DCST2: variants seen among roughly 807,000 people sequenced by gnomAD.
DCST2 encodes the protein DC-STAMP domain-containing protein 2.
Under a neutral mutation model 81.8 loss-of-function variants are expected in DCST2, and 64 were observed. The ratio of observed to expected loss-of-function variants is 0.78; its 90% confidence interval spans 0.64 to 0.96. DCST2 has a LOEUF of 0.96. Ranked by LOEUF, DCST2 falls within the 40% of genes least tolerant of loss-of-function variation. The pLI, the probability that DCST2 is intolerant of heterozygous loss-of-function variation, is 0.00. For missense variants in DCST2, 945 were observed against 1,001.4 expected (o/e 0.94, Z 0.76); for synonymous variants, 354 against 402.6 (o/e 0.88, Z 1.44).
intron 4 of DCST2, 120 bp from the exon 5 acceptor site, chr1:155,031,354 T>G: frequency 8.6e-7 from 1 of 1,166,174 alleles, no homozygotes; most frequent in South Asian, 1.6e-5. Flanking sequence ...CCACATTTGC[T>G]CAAAACCTTG....
At chr1:155,031,943 G>A (rs1660099335) in intron 3 of DCST2, among the ~76,000 whole-genome samples, 172 bp from the exon 4 acceptor site, 1 of 152,178 alleles carries the variant, frequency 6.6e-6, no homozygotes, top group African/African-American at 2.4e-5. Context: ...AAAAAACCCT[G>A]GACAGGGTAC....
At chr1:155,029,448 C>A in intron 7 of DCST2, 51 bp from the exon 8 acceptor site, 1 of 1,584,068 alleles carries the variant, frequency 6.3e-7, no homozygotes. Flanking sequence ...CTCCCGTCCA[C>A]CAGATCCCAG....
chr1:155,024,654 C>T, intron 10 of DCST2, 52 bp from the exon 11 acceptor site: 5 of 1,528,198 alleles, frequency 3.3e-6, no homozygotes, highest in Non-Finnish European at 4.4e-6. Flanking sequence ...TTTTGTCTGC[C>T]TGGAATGCCC....
At position 155,033,175 on chromosome 1, in the gene DCST2, T is replaced by G; in HGVS notation, c.358A>C (p.Ser120Arg). ...TCTGCCCCACAGGCTACAGCCTCGC[T>G]GGCCCGGGTGAAGTTGCGTAGAGTG... ...ANTLRNFTRA[S>R]EAVACGAELA... The change falls in exon 2 of 15, where the codon AGC (serine) becomes CGC (arginine). Residue 120 changes from serine to arginine, a missense_variant. Coordinates refer to ENST00000368424, the MANE Select transcript of DCST2 (RefSeq NM_144622.3). 1 of 1,613,074 alleles carries G rather than the reference T, an allele frequency of 6.2e-7. No homozygotes were observed. The highest frequency in any genetic ancestry group is 1.3e-5 in the African/African-American group (1 of 75,006).
At chr1:155,027,910 T>TTTTA (rs1659958667) in intron 8 of DCST2, among the ~76,000 whole-genome samples, 1 of 149,294 alleles carries the variant, frequency 6.7e-6, no homozygotes, top group Non-Finnish European at 1.5e-5. Context: ...ACATAATTTA[T>TTTTA]TTTATTTTAT....
intron 2 of DCST2, 91 bp from the exon 3 acceptor site, chr1:155,032,859 C>A (rs976086772): frequency 3.1e-5 from 39 of 1,255,432 alleles, no homozygotes; most frequent in Non-Finnish European, 3.9e-5. Context: ...AGAGAGGAGG[C>A]CACCATTTCC....
At chr1:155,027,371 CTG>C (rs1240196700) in intron 8 of DCST2, among the ~76,000 whole-genome samples, 1 of 123,826 alleles carries the variant, frequency 8.1e-6, no homozygotes, top group East Asian at 4.5e-4. Flanking sequence ...TGAGCACTGA[CTG>C]TGTAGCAGAC....
chr1:155,023,189 G>A lies in DCST2; in HGVS notation c.2033C>T (p.Ala678Val). The A allele has an allele frequency of 3.7e-6, 6 of 1,614,152 alleles. No individual in the cohort carries two copies. The highest frequency in any genetic ancestry group is 5.1e-6 in the Non-Finnish European group (6 of 1,180,046). Residue 678 changes from alanine to valine, a missense_variant, in exon 14 of 15, where the codon GCA becomes GTA. Physicochemically the swap from Ala to Val is moderately conservative, Grantham distance 64. Transcript: ENST00000368424. ...TTGGAGCTGTTGCTGCAATAACCAT[G>A]CCTGCTCAGGGTCCTTCCTTTGAGC... Reference protein sequence around the residue: ...AAAQRKDPEQAWLLQQQLQEV... With the variant: ...AAAQRKDPEQVWLLQQQLQEV...
chr1:155,027,284 C>T (rs1260258625), intron 8 of DCST2, among the ~76,000 whole-genome samples: 2 of 146,906 alleles, frequency 1.4e-5, no homozygotes, highest in Non-Finnish European at 3.0e-5. Flanking sequence ...TCAAGCAATC[C>T]GCCTGCCTTA....
chr1:155,031,973 T>C (rs889741076), intron 3 of DCST2, among the ~76,000 whole-genome samples: 3 of 152,130 alleles, frequency 2.0e-5, no homozygotes, highest in African/African-American at 7.2e-5. Flanking sequence ...GACTGAATTT[T>C]TTTGTTTCTG....
chr1:155,030,437 G>A lies in DCST2; in HGVS notation c.1014C>T (p.Tyr338=). ...FTTPLLLVLL[Y]LQALFYRYCY... ...GCTGCCCGGCAGCCCCTCACTGGAG[G>A]TAGAGAAGCACAAGCAGCAGAGGCG... is the stretch of plus-strand genomic sequence containing the variant. The change falls in exon 6 of 15, where the codon TAC becomes TAT. Residue 338 remains tyrosine (Y), a synonymous_variant. Transcript: ENST00000368424. 1.2e-6 allele frequency: 2 copies of A among 1,613,534 alleles called. No homozygotes were observed. Among genetic ancestry groups the A allele is most frequent in the Non-Finnish European group, 1.7e-6 (2 of 1,179,914 alleles).
chr1:155,030,411 C>G (rs745374187), intron 6 of DCST2, 21 bp downstream of exon 6: 3 of 1,610,586 alleles, frequency 1.9e-6, no homozygotes, highest in Admixed American at 3.3e-5. Context: ...GCATCCCCCA[C>G]GCTGCCCGGC....
intron 8 of DCST2, among the ~76,000 whole-genome samples, chr1:155,027,822 C>T (rs905933771): frequency 6.6e-6 from 1 of 151,760 alleles, no homozygotes; most frequent in Non-Finnish European, 1.5e-5. Context: ...CTCAGCCTCC[C>T]AAAGTGCTAG....
At chr1:155,030,306 T>G (rs1660035004) in intron 6 of DCST2, 65 bp from the exon 7 acceptor site, 1 of 1,605,634 alleles carries the variant, frequency 6.2e-7, no homozygotes, top group African/African-American at 1.3e-5. Flanking sequence ...CCACAGGGCA[T>G]CCGCGCTTCA....
rs1263795892 is a variant in DCST2 at position 155,023,384 on chromosome 1, C to G, written c.1944G>C (p.Gln648His). ...CSVCASPLSYQGDLDLELDSS... is the reference protein window; with the variant it reads ...CSVCASPLSYHGDLDLELDSS... ...CTCACAGCTCCAGGTCCAGGTCCCC[C>G]TGGTAGGAGAGGGGAGATGCACACA... Residue 648 changes from glutamine to histidine, a missense_variant, in exon 13 of 15, where the codon CAG (glutamine) becomes CAC (histidine). Transcript: ENST00000368424. The G allele has an allele frequency of 9.9e-6, 16 of 1,608,602 alleles. No homozygotes were observed. The East Asian group carries it at 3.1e-4, about 31-fold the overall frequency.
chr1:155,023,345 A>G lies in DCST2; in HGVS notation c.1964+19T>C. On this transcript the variant is annotated intron_variant, in intron 13 of 14. Transcript: ENST00000368424. ...TGCCCCTACAGACTCCAGCCACCCC[A>G]TGTCACTGAAAGACTCACAGCTCCA... 6.2e-7 allele frequency: 1 copy of G among 1,609,538 alleles called. No homozygotes were observed. Among genetic ancestry groups the G allele is most frequent in the Non-Finnish European group, 8.5e-7 (1 of 1,177,904 alleles).
At chr1:155,022,175 G>T (rs1356431706) in intron 14 of DCST2, among the ~76,000 whole-genome samples, 1 of 152,072 alleles carries the variant, frequency 6.6e-6, no homozygotes, top group East Asian at 1.9e-4. Flanking sequence ...CCCGCTTATG[G>T]TCTTAAAAGA....
At chr1:155,026,878 C>G in intron 8 of DCST2, 163 bp from the exon 9 acceptor site, 1 of 785,230 alleles carries the variant, frequency 1.3e-6, no homozygotes, top group African/African-American at 1.7e-5. Context: ...GCCCTGGGGC[C>G]TGACCTCAGT....
chr1:155,033,633 C>G lies in DCST2; in HGVS notation c.69G>C (p.Val23=), dbSNP rs752472542. The G allele has an allele frequency of 1.9e-5, 31 of 1,614,104 alleles. No individual in the cohort carries two copies. The highest frequency in any genetic ancestry group is 2.3e-5 in the Non-Finnish European group (27 of 1,180,034). ...GGGTAAAACCTCCCACGCTGCGAAC[C>G]ACAGCTCTCGCCATGCTAGGCTCCT... is the stretch of plus-strand genomic sequence containing the variant. ...GGEEPSMARA[V]VRSVGGFTLG... is the part of the protein sequence containing the mutation. The change falls in exon 1 of 15, where the codon GTG becomes GTC. Residue 23 remains valine (V), a synonymous_variant. Transcript: ENST00000368424.
Sources: allele counts gnomAD v4.1 joint callset (sites outside exome capture counted in the v4.1 genomes callset), GRCh38; gene constraint gnomAD v4.1.1; transcripts MANE v1.5; gene names NCBI Gene and HGNC (gene_info 2026-07-23, HGNC 2026-07-21).